Variants in ALK observed in about 807,000 individuals in gnomAD.
ALK encodes the protein ALK receptor tyrosine kinase.
Under a neutral mutation model 163.1 loss-of-function variants are expected in ALK, and 74 were observed. The ratio of observed to expected loss-of-function variants is 0.45; its 90% CI spans 0.38 to 0.55. The LOEUF (loss-of-function observed/expected upper bound fraction) is 0.55. Among genes scored for constraint, ALK ranks in the 20% least tolerant of loss-of-function variants. ALK has a pLI of 0.00. For missense variants in ALK, 2,063 were observed against 2,105.3 expected, an observed-to-expected ratio of 0.98 and a Z score of 0.39; for synonymous variants, 960 against 843.2, an observed-to-expected ratio of 1.14 and a Z score of -2.40.
At chr2:29,328,819 C>T (rs1212864397) in intron 5 of ALK, among the ~76,000 whole-genome samples, 1 of 152,190 alleles carries the variant, frequency 6.6e-6, no homozygotes, top group Non-Finnish European at 1.5e-5. Flanking sequence ...TGGATGGCCT[C>T]CAGGTGGAGT....
chr2:29,880,389 G>T (rs1284738089), intron 1 of ALK, among the ~76,000 whole-genome samples: 1 of 152,196 alleles, frequency 6.6e-6, no homozygotes, highest in Non-Finnish European at 1.5e-5. Context: ...GTGTATCAGA[G>T]CCCTTGGCTG....
At chr2:29,560,225 T>C (rs2148182167) in intron 3 of ALK, among the ~76,000 whole-genome samples, 1 of 152,186 alleles carries the variant, frequency 6.6e-6, no homozygotes. Context: ...GGTGAATGGA[T>C]AAACAATGGT....
chr2:29,846,249 G>A (rs189928027), intron 1 of ALK, among the ~76,000 whole-genome samples: 4 of 152,160 alleles, frequency 2.6e-5, no homozygotes, highest in African/African-American at 2.4e-5. Flanking sequence ...CTTGGCACTT[G>A]CCCCCCCACC....
intron 3 of ALK, among the ~76,000 whole-genome samples, chr2:29,545,274 T>C (rs1573445205): frequency 6.6e-6 from 1 of 151,518 alleles, no homozygotes; most frequent in African/African-American, 2.4e-5. Context: ...TATTTGAGGG[T>C]TTCCTTTGTT....
intron 3 of ALK, among the ~76,000 whole-genome samples, chr2:29,612,497 G>A (rs1206992959): frequency 6.6e-6 from 1 of 152,138 alleles, no homozygotes. Flanking sequence ...TGTTTCCAAA[G>A]TGATCATGAG....
intron 1 of ALK, among the ~76,000 whole-genome samples, chr2:29,731,109 G>C (rs759181291): frequency 6.6e-6 from 1 of 152,204 alleles, no homozygotes; most frequent in Non-Finnish European, 1.5e-5. Flanking sequence ...TAAAGCATTT[G>C]TAACTGTCAA....
At chr2:29,844,313 G>A (rs1558514760) in intron 1 of ALK, among the ~76,000 whole-genome samples, 1 of 152,204 alleles carries the variant, frequency 6.6e-6, no homozygotes, top group Non-Finnish European at 1.5e-5. Flanking sequence ...CAGAGAGAAT[G>A]AGCAGTGCCC....
At chr2:29,262,487 T>C (rs549839591) in intron 11 of ALK, among the ~76,000 whole-genome samples, 3 of 152,310 alleles carry the variant, frequency 2.0e-5, no homozygotes, top group South Asian at 4.1e-4. Context: ...TTGTGTATGA[T>C]GAGAAGTTAG....
chr2:29,578,259 C>G (rs1282388806), intron 3 of ALK, among the ~76,000 whole-genome samples: 1 of 152,204 alleles, frequency 6.6e-6, no homozygotes, highest in African/African-American at 2.4e-5. Context: ...CCTTGCCTTT[C>G]ACCATAATTG....
At chr2:29,207,653 G>T (rs3820712) in intron 25 of ALK, among the ~76,000 whole-genome samples, 40,266 of 152,160 alleles carry the variant, frequency 0.26, 6,669 homozygotes, top group East Asian at 0.74. Context: ...GATCCAAAAT[G>T]GGAGAACTGA....
intron 1 of ALK, among the ~76,000 whole-genome samples, chr2:29,918,636 G>A (rs117059475): frequency 1.8e-4 from 27 of 152,296 alleles, no homozygotes; most frequent in African/African-American, 6.5e-4. Flanking sequence ...TCACATACTA[G>A]TATGTATTCT....
At chr2:29,200,789 ACATG>A (rs1396303758) in intron 26 of ALK, among the ~76,000 whole-genome samples, 3 of 124,784 alleles carry the variant, frequency 2.4e-5, no homozygotes, top group Admixed American at 9.1e-5. Flanking sequence ...ATATGTATAT[ACATG>A]TATACATATA....
At chr2:29,894,719 AC>A (rs1427322575) in intron 1 of ALK, among the ~76,000 whole-genome samples, 2 of 152,010 alleles carry the variant, frequency 1.3e-5, no homozygotes, top group Non-Finnish European at 2.9e-5. Flanking sequence ...CTTCTAAAGC[AC>A]CTTTTTGAAT....
chr2:29,734,828 A>C (rs1347059318), intron 1 of ALK, among the ~76,000 whole-genome samples: 1 of 152,080 alleles, frequency 6.6e-6, no homozygotes. Flanking sequence ...AATTTAATAG[A>C]TATTTTGGTA....
intron 4 of ALK, among the ~76,000 whole-genome samples, chr2:29,515,575 A>G (rs917792633): frequency 2.0e-5 from 3 of 152,010 alleles, no homozygotes; most frequent in African/African-American, 7.2e-5. Flanking sequence ...GGGTGGGGAT[A>G]GGGGGAGGCA....
At chr2:29,386,731 G>C (rs1032923936) in intron 4 of ALK, among the ~76,000 whole-genome samples, 2 of 152,170 alleles carry the variant, frequency 1.3e-5, no homozygotes, top group African/African-American at 4.8e-5. Context: ...AAATTCTCTG[G>C]CCTCCCATAG....
chr2:29,823,309 T>C, intron 1 of ALK, among the ~76,000 whole-genome samples: 1 of 152,088 alleles, frequency 6.6e-6, no homozygotes, highest in East Asian at 1.9e-4. Context: ...ATCAGCAGCA[T>C]GAAAATGGGC....
At chr2:29,219,409 C>T (rs1669724606) in intron 23 of ALK, among the ~76,000 whole-genome samples, 1 of 152,202 alleles carries the variant, frequency 6.6e-6, no homozygotes, top group Non-Finnish European at 1.5e-5. Context: ...GCAGGGCTTC[C>T]ATCACCACTT....
chr2:29,526,368 C>A (rs1442781631), intron 4 of ALK, among the ~76,000 whole-genome samples: 1 of 152,210 alleles, frequency 6.6e-6, no homozygotes, highest in East Asian at 1.9e-4. Flanking sequence ...CAGAGAACTT[C>A]GAGCTACGTG....
Sources: gnomAD v4.1 joint callset for allele counts (sites outside exome capture counted in the v4.1 genomes callset) on GRCh38, gnomAD v4.1.1 for gene constraint, MANE v1.5 for transcripts, NCBI Gene and HGNC (gene_info 2026-07-23, HGNC 2026-07-21) for gene names.